Variants in TMEM74 observed in about 807,000 individuals in gnomAD.
TMEM74 encodes transmembrane protein 74.
In TMEM74, 13 loss-of-function variants were observed where a neutral mutation model predicts 18.1. That is an observed-to-expected ratio of 0.72 (90% CI 0.47 to 1.14). The LOEUF (loss-of-function observed/expected upper bound fraction) is 1.14, where lower values mean the gene tolerates loss of function less well. TMEM74 is among the 50% of genes most tolerant of loss of function. The pLI, the probability that TMEM74 is intolerant of heterozygous loss-of-function variation, is 0.00. For missense variants in TMEM74, 372 were observed against 375.9 expected, an observed-to-expected ratio of 0.99 and a Z score of 0.09; for synonymous variants, 159 against 146.6, an observed-to-expected ratio of 1.08 and a Z score of -0.61.
intron 2 of TMEM74, among the ~76,000 whole-genome samples, chr8:108,639,952 A>G (rs1812646616): frequency 6.6e-6 from 1 of 152,046 alleles, no homozygotes; most frequent in East Asian, 1.9e-4. Context: ...TTTAAGGCTT[A>G]ATAAATTATT....
chr8:108,651,240 T>G (rs544025749), intron 2 of TMEM74, among the ~76,000 whole-genome samples: 12 of 152,290 alleles, frequency 7.9e-5, no homozygotes, highest in Admixed American at 3.3e-4. Flanking sequence ...TAGTAGAACT[T>G]CAGTAAAGAA....
At chr8:108,703,399 ATAAGGT>A (rs1813356107) in intron 1 of TMEM74, among the ~76,000 whole-genome samples, 1 of 152,178 alleles carries the variant, frequency 6.6e-6, no homozygotes, top group African/African-American at 2.4e-5. Context: ...ATCTAAAGGC[ATAAGGT>A]TAACTAGGGT....
chr8:108,670,801 A>G (rs1452395935), intron 1 of TMEM74, among the ~76,000 whole-genome samples: 2 of 152,164 alleles, frequency 1.3e-5, no homozygotes, highest in Non-Finnish European at 2.9e-5. Flanking sequence ...TAGGTTAAAG[A>G]AAAAGAAGGA....
intron 1 of TMEM74, among the ~76,000 whole-genome samples, chr8:108,702,701 A>G (rs1228446814): frequency 6.6e-6 from 1 of 152,016 alleles, no homozygotes; most frequent in East Asian, 1.9e-4. Flanking sequence ...TGCTGTACCC[A>G]TTAACTGGTC....
chr8:108,614,600 C>A (rs1361980850), intron 2 of TMEM74, among the ~76,000 whole-genome samples: 5 of 152,160 alleles, frequency 3.3e-5, no homozygotes, highest in African/African-American at 1.2e-4. Context: ...ACTAAACCAT[C>A]TGCAATGTTT....
At chr8:108,702,475 C>T (rs570609399) in intron 1 of TMEM74, among the ~76,000 whole-genome samples, 1 of 152,042 alleles carries the variant, frequency 6.6e-6, no homozygotes, top group East Asian at 1.9e-4. Context: ...GGAGAGCTGG[C>T]CATCCACATG....
In TMEM74 at chr8:108,756,621, AG is replaced by A. The variant is rs1563543660; in HGVS notation, n.119+30854del. ...GAGAAAGGAAGGAAGGAAGGAAGGAAGGAAGGAAGGAAGGAAGGAAGAAAGA... is the reference window on the plus strand; with the variant it reads ...GAGAAAGGAAGGAAGGAAGGAAGGAAGAAGGAAGGAAGGAAGGAAGAAAGA... On this transcript the variant is annotated intron_variant and non_coding_transcript_variant, in intron 1 of 3. Coordinates refer to the TMEM74 transcript ENST00000518838. Among the ~76,000 whole-genome samples the A allele has an allele frequency of 8.4e-4, 80 of 94,992 alleles. 1 individual carries two copies. The highest frequency in any genetic ancestry group is 3.6e-3 in the African/African-American group (79 of 21,710). 62.3% of individuals were successfully genotyped at this position (94,992 alleles called of 152,430 possible). A position where few individuals can be genotyped will look rare whatever the true frequency, so the allele number is the denominator to read the frequency against.
chr8:108,754,065 C>G (rs3019896), intron 1 of TMEM74, among the ~76,000 whole-genome samples: 38,761 of 151,870 alleles, frequency 0.26, 5,403 homozygotes, highest in Middle Eastern at 0.33. Flanking sequence ...AGTTCTGAAG[C>G]TTATACATTG....
Position 108,726,898 on chromosome 8 carries a change from G to A in TMEM74, n.119+60578C>T, listed in dbSNP as rs147854005. On this transcript the variant is annotated intron_variant and non_coding_transcript_variant, in intron 1 of 3. Transcript: ENST00000518838. Reference sequence around the variant, plus strand: ...TAGGTGAATTAGGGGGGCTGGTGCAGGGGTAGGAACAAGTTTCATTCAATA... The same window carrying A: ...TAGGTGAATTAGGGGGGCTGGTGCAAGGGTAGGAACAAGTTTCATTCAATA... Among the ~76,000 whole-genome samples, 518 of 152,256 alleles carry A rather than the reference G, an allele frequency of 3.4e-3. 3 individuals carry two copies. The highest frequency in any genetic ancestry group is 0.011 in the African/African-American group (475 of 41,546).
At chr8:108,619,231 T>A (rs1419933792) in intron 2 of TMEM74, among the ~76,000 whole-genome samples, 1 of 152,218 alleles carries the variant, frequency 6.6e-6, no homozygotes, top group Non-Finnish European at 1.5e-5. Flanking sequence ...AATAAAATAC[T>A]GCTTTCCAGG....
At chr8:108,658,618 A>G (rs1485383578) in intron 1 of TMEM74, among the ~76,000 whole-genome samples, 1 of 152,218 alleles carries the variant, frequency 6.6e-6, no homozygotes, top group Non-Finnish European at 1.5e-5. Flanking sequence ...GAATTTATCA[A>G]TAGTCCTGAA....
intron 1 of TMEM74, among the ~76,000 whole-genome samples, chr8:108,695,088 G>T (rs1391989536): frequency 6.6e-6 from 1 of 152,188 alleles, no homozygotes; most frequent in Admixed American, 6.5e-5. Context: ...GGGCCTGGCT[G>T]CTCCACTCTC....
At chr8:108,649,828 C>T (rs978627348) in intron 2 of TMEM74, among the ~76,000 whole-genome samples, 1 of 152,122 alleles carries the variant, frequency 6.6e-6, no homozygotes, top group African/African-American at 2.4e-5. Context: ...CCAGTGGAGC[C>T]TTCAATGTTG....
intron 1 of TMEM74, among the ~76,000 whole-genome samples, chr8:108,705,109 A>G (rs184748182): frequency 8.8e-4 from 134 of 152,338 alleles, no homozygotes; most frequent in African/African-American, 3.2e-3. Flanking sequence ...TGATATTAAC[A>G]TATTTATACA....
chr8:108,723,908 A>C lies in TMEM74; in HGVS notation n.119+63568T>G, dbSNP rs562864302. ...TATAGATGAACTGTTTTCTAAAGTA[A>C]ACGAAGGTGCTCCTGCCTTAGACAT... On this transcript the variant is annotated intron_variant and non_coding_transcript_variant, in intron 1 of 3. Transcript: ENST00000518838. 5.3e-5 allele frequency among the ~76,000 whole-genome samples: 8 copies of C among 152,286 alleles called. No individual in the cohort carries two copies. The South Asian group carries it at 1.2e-3, about 24-fold the overall frequency.
At position 108,713,623 on chromosome 8, in the gene TMEM74, A is replaced by T. The variant is rs1813494220; in HGVS notation, n.120-58186T>A. 3.3e-5 allele frequency among the ~76,000 whole-genome samples: 5 copies of T among 152,218 alleles called. No homozygotes were observed. The South Asian group carries it at 1.0e-3, about 31-fold the overall frequency. On this transcript the variant is annotated intron_variant and non_coding_transcript_variant, in intron 1 of 3. Coordinates refer to the TMEM74 transcript ENST00000518838. ...AAACTGTGATAGCAGCTATGGGGAA[A>T]ATCTATGGGTGCTATTAAGGGCATA...
At chr8:108,710,735 T>G (rs1388571478) in intron 1 of TMEM74, among the ~76,000 whole-genome samples, 1 of 152,188 alleles carries the variant, frequency 6.6e-6, no homozygotes, top group African/African-American at 2.4e-5. Flanking sequence ...TCTTTCTCTC[T>G]CTGGGTATGA....
chr8:108,637,394 A>G (rs1196542768), intron 2 of TMEM74, among the ~76,000 whole-genome samples: 2 of 152,116 alleles, frequency 1.3e-5, no homozygotes, highest in Non-Finnish European at 2.9e-5. Flanking sequence ...ACCTATAAGT[A>G]TGTTATTTTA....
intron 1 of TMEM74, among the ~76,000 whole-genome samples, chr8:108,741,383 T>C (rs1813798754): frequency 6.6e-6 from 1 of 152,214 alleles, no homozygotes; most frequent in African/African-American, 2.4e-5. Flanking sequence ...AAGCATTACA[T>C]AGTAAAACAC....
Sources: gnomAD v4.1 joint callset for allele counts (sites outside exome capture counted in the v4.1 genomes callset) on GRCh38, gnomAD v4.1.1 for gene constraint, MANE v1.5 for transcripts, NCBI Gene and HGNC (gene_info 2026-07-23, HGNC 2026-07-21) for gene names.